The following ASAP1 variants were observed in gnomAD, a reference collection of about 807,000 sequenced individuals.
ASAP1 encodes arf-GAP with SH3 domain, ANK repeat and PH domain-containing protein 1.
Under a neutral mutation model 145.2 loss-of-function variants are expected in ASAP1, and 43 were observed. The observed-to-expected ratio is 0.30, with a 90% CI of 0.23 to 0.38. ASAP1 has a LOEUF of 0.38. Ranked by LOEUF, ASAP1 falls within the 10% of genes least tolerant of loss-of-function variation. The pLI is 1.00. For missense variants in ASAP1, 1,018 were observed against 1,355.3 expected (o/e 0.75, Z 3.91); for synonymous variants, 546 against 515.5 (o/e 1.06, Z -0.80).
chr8:130,118,892 C>G, intron 18 of ASAP1: 1 of 282,820 alleles, frequency 3.5e-6, no homozygotes, highest in Non-Finnish European at 6.5e-6. Context: ...GATATAGTTA[C>G]AAAGTAAACG....
chr8:130,148,860 G>A (rs548470347), intron 13 of ASAP1, among the ~76,000 whole-genome samples: 2 of 151,714 alleles, frequency 1.3e-5, no homozygotes, highest in East Asian at 3.9e-4. Flanking sequence ...CTTGAGACAG[G>A]GCCTGGCTCT....
chr8:130,376,493 C>A (rs1402768155), intron 2 of ASAP1, among the ~76,000 whole-genome samples: 1 of 152,058 alleles, frequency 6.6e-6, no homozygotes, highest in Non-Finnish European at 1.5e-5. Context: ...TTTGGGAGGC[C>A]GAGGTGGGTG....
chr8:130,159,665 C>G (rs1409308453), intron 12 of ASAP1, among the ~76,000 whole-genome samples, 199 bp downstream of exon 12: 1 of 151,904 alleles, frequency 6.6e-6, no homozygotes, highest in African/African-American at 2.4e-5. Flanking sequence ...GACAGAAGTG[C>G]CATTTAGGGA....
chr8:130,326,827 A>C (rs1035847879), intron 3 of ASAP1, among the ~76,000 whole-genome samples: 2 of 152,222 alleles, frequency 1.3e-5, no homozygotes, highest in African/African-American at 4.8e-5. Context: ...CTGAGAACTG[A>C]AAATGACCTT....
chr8:130,413,426 A>G (rs1829348191), intron 1 of ASAP1, among the ~76,000 whole-genome samples: 1 of 152,228 alleles, frequency 6.6e-6, no homozygotes, highest in African/African-American at 2.4e-5. Context: ...CATTTCTGAA[A>G]CAGGACGTGT....
intron 3 of ASAP1, among the ~76,000 whole-genome samples, chr8:130,324,111 A>G (rs1824183658): frequency 6.6e-6 from 1 of 152,226 alleles, no homozygotes; most frequent in Non-Finnish European, 1.5e-5. Flanking sequence ...TCAAATCAGT[A>G]GAAGCCAACT....
intron 3 of ASAP1, among the ~76,000 whole-genome samples, chr8:130,320,673 T>C (rs986769073): frequency 2.6e-5 from 4 of 151,956 alleles, no homozygotes; most frequent in Admixed American, 6.5e-5. Flanking sequence ...AACCTAGATG[T>C]AGCTTTCCAC....
At chr8:130,177,356 A>G (rs775906125) in intron 9 of ASAP1, among the ~76,000 whole-genome samples, 2 of 152,258 alleles carry the variant, frequency 1.3e-5, no homozygotes, top group Non-Finnish European at 2.9e-5. Context: ...ACGTGAAAAT[A>G]GATTTCTAAA....
chr8:130,145,827 T>C (rs912142032), intron 13 of ASAP1, among the ~76,000 whole-genome samples: 1 of 151,680 alleles, frequency 6.6e-6, no homozygotes, highest in Non-Finnish European at 1.5e-5. Flanking sequence ...CAACAGAACA[T>C]TAGGTCAAAG....
chr8:130,180,987 A>C, intron 7 of ASAP1, 107 bp from the exon 8 acceptor site: 1 of 939,564 alleles, frequency 1.1e-6, no homozygotes, highest in South Asian at 1.8e-5. Context: ...CGATGTGTCT[A>C]TGTAGGTTCA....
chr8:130,442,069 T>A (rs375733888), intron 1 of ASAP1, among the ~76,000 whole-genome samples: 2 of 152,328 alleles, frequency 1.3e-5, no homozygotes, highest in East Asian at 1.9e-4. Context: ...ATCCACTTAG[T>A]GGCGTTAGGT....
chr8:130,301,251 T>C (rs1016428018), intron 3 of ASAP1, among the ~76,000 whole-genome samples: 3 of 152,226 alleles, frequency 2.0e-5, no homozygotes, highest in Non-Finnish European at 4.4e-5. Context: ...GCCTGCTCTT[T>C]GAGAAAACCT....
Position 130,053,062 on chromosome 8 carries a change from T to A in ASAP1, c.*1669A>T, listed in dbSNP as rs2097396408. 1 of 152,230 alleles carries A rather than the reference T, an allele frequency of 6.6e-6. No individual in the cohort carries two copies. The highest frequency in any genetic ancestry group is 6.5e-5 in the Admixed American group (1 of 15,282). 9.4% of individuals were successfully genotyped at this position (152,230 alleles called of 1,614,324 possible). A position where few individuals can be genotyped will look rare whatever the true frequency, so the allele number is the denominator to read the frequency against. On this transcript the variant is annotated 3_prime_UTR_variant, in exon 30 of 30. Coordinates refer to ENST00000518721, the MANE Select transcript of ASAP1 (RefSeq NM_018482.4). ...GATAAAATATTTTGCAGGTTTGTCA[T>A]GCAAGGTTTATTTATTAGGTGGCTA...
chr8:130,226,375 T>C (rs1337824664), intron 4 of ASAP1, among the ~76,000 whole-genome samples: 3 of 152,246 alleles, frequency 2.0e-5, no homozygotes, highest in Non-Finnish European at 2.9e-5. Context: ...CTGCTGATTA[T>C]GAGCAAATTA....
intron 3 of ASAP1, among the ~76,000 whole-genome samples, chr8:130,272,461 C>A (rs918119704): frequency 2.0e-5 from 3 of 152,114 alleles, no homozygotes; most frequent in African/African-American, 7.2e-5. Context: ...AAAATAGATT[C>A]ATCATACAAT....
intron 25 of ASAP1, chr8:130,083,713 A>G (rs964651356): frequency 6.6e-6 from 1 of 152,260 alleles, no homozygotes; most frequent in Non-Finnish European, 1.5e-5. Flanking sequence ...GGCATGAAAC[A>G]GAAATGATGT....
chr8:130,072,830 C>CGTGCGCGCGCGCGCGCGCGCACGCGCG, intron 27 of ASAP1, among the ~76,000 whole-genome samples: 1 of 31,930 alleles, frequency 3.1e-5, no homozygotes, highest in African/African-American at 2.0e-4. Context: ...TGTGTGCGCG[C>CGTGCGCGCGCGCGCGCGCGCACGCGCG]GGGGGGGGGC....
chr8:130,184,685 TA>T, intron 7 of ASAP1, among the ~76,000 whole-genome samples: 1 of 152,182 alleles, frequency 6.6e-6, no homozygotes. Flanking sequence ...GCTGACAGAG[TA>T]AGTCTTAACT....
rs201566245 is a variant in ASAP1, at chr8:130,159,843, C to T, written c.1010+21G>A. ...TCTAGGTTAATCACACACTGAGACA[C>T]TGGGCTGGGCTCATACATACCCGTC... On this transcript the variant is annotated intron_variant, in intron 12 of 29. Coordinates refer to ENST00000518721, the MANE Select transcript of ASAP1 (RefSeq NM_018482.4). 530 of 1,582,638 alleles carry T rather than the reference C, an allele frequency of 3.3e-4. 1 individual carries two copies. The African/African-American group carries it at 6.7e-3, about 20-fold the overall frequency.
Sources: gnomAD v4.1 joint callset for allele counts (sites outside exome capture counted in the v4.1 genomes callset) on GRCh38, gnomAD v4.1.1 for gene constraint, MANE v1.5 for transcripts, NCBI Gene and HGNC (gene_info 2026-07-23, HGNC 2026-07-21) for gene names.